Variants in PDE4D observed in about 807,000 individuals in gnomAD.
PDE4D encodes 3',5'-cyclic-AMP phosphodiesterase 4D.
Under a neutral mutation model 87.4 loss-of-function variants are expected in PDE4D, and 24 were observed. The ratio of observed to expected loss-of-function variants is 0.27; its 90% CI spans 0.20 to 0.39. The LOEUF (loss-of-function observed/expected upper bound fraction) is 0.39, where lower values mean the gene tolerates loss of function less well. Among genes scored for constraint, PDE4D ranks in the 10% least tolerant of loss-of-function variants. PDE4D has a pLI of 1.00. For synonymous variants in PDE4D, 384 were observed against 383.2 expected (o/e 1.00, Z -0.02); for missense variants, 714 against 1,041.0 (o/e 0.69, Z 4.32).
At chr5:59,570,573 A>G (rs944759595) in intron 1 of PDE4D, among the ~76,000 whole-genome samples, 1 of 152,144 alleles carries the variant, frequency 6.6e-6, no homozygotes, top group Non-Finnish European at 1.5e-5. Context: ...AGTCAGCTAT[A>G]TCAATTCTAC....
intron 1 of PDE4D, among the ~76,000 whole-genome samples, chr5:59,270,965 T>C (rs572531419): frequency 3.9e-5 from 6 of 152,088 alleles, no homozygotes; most frequent in South Asian, 4.1e-4. Context: ...AAATAATATA[T>C]ATGTAAAATT....
intron 1 of PDE4D, among the ~76,000 whole-genome samples, chr5:60,261,059 G>A (rs916740467): frequency 6.6e-6 from 1 of 151,932 alleles, no homozygotes; most frequent in Non-Finnish European, 1.5e-5. Flanking sequence ...TACCCTATGG[G>A]AAGACATAAA....
intron 5 of PDE4D, among the ~76,000 whole-genome samples, chr5:59,078,647 T>C (rs1318809491): frequency 6.6e-6 from 1 of 152,004 alleles, no homozygotes; most frequent in Non-Finnish European, 1.5e-5. Context: ...TAGCTGGAAC[T>C]ACAGGCACAT....
intron 1 of PDE4D, among the ~76,000 whole-genome samples, chr5:59,301,203 G>T (rs527718683): frequency 6.6e-6 from 1 of 152,024 alleles, no homozygotes; most frequent in Non-Finnish European, 1.5e-5. Flanking sequence ...AATCAGAAAG[G>T]CAGGAACAGG....
intron 1 of PDE4D, among the ~76,000 whole-genome samples, chr5:59,572,391 T>C (rs894775593): frequency 1.3e-5 from 2 of 152,050 alleles, no homozygotes; most frequent in African/African-American, 4.8e-5. Flanking sequence ...TCTTATACTA[T>C]CTATTTTATT....
At chr5:59,738,128 G>A (rs1184175196) in intron 1 of PDE4D, among the ~76,000 whole-genome samples, 3 of 152,100 alleles carry the variant, frequency 2.0e-5, no homozygotes, top group African/African-American at 7.2e-5. Flanking sequence ...TGAATAGATT[G>A]TGGGACAATT....
chr5:59,743,731 A>T lies in PDE4D; in HGVS notation c.455+149437T>A, dbSNP rs1040517192. ...CATTTGTGCAAGTTTCTTCTCTCAA[A>T]AGCAGACTCATATTGTACAAGCCCA... On this transcript the variant is annotated intron_variant, in intron 1 of 14. Transcript: ENST00000340635. Among the ~76,000 whole-genome samples, 2 of 152,166 alleles carry T rather than the reference A, an allele frequency of 1.3e-5. 1 individual carries two copies. Among genetic ancestry groups the T allele is most frequent in the Admixed American group, 1.3e-4 (2 of 15,274 alleles).
intron 5 of PDE4D, among the ~76,000 whole-genome samples, chr5:59,160,764 T>C (rs1027022335): frequency 6.6e-6 from 1 of 152,136 alleles, no homozygotes; most frequent in African/African-American, 2.4e-5. Context: ...GTGGCAGGCG[T>C]AATATGCCTG....
chr5:59,207,751 A>T (rs1749122846), intron 2 of PDE4D, among the ~76,000 whole-genome samples: 1 of 151,954 alleles, frequency 6.6e-6, no homozygotes, highest in South Asian at 2.1e-4. Context: ...ATTAAATCTG[A>T]TGTATAAGCA....
chr5:59,776,020 C>T (rs1764042574), intron 1 of PDE4D, among the ~76,000 whole-genome samples: 1 of 152,062 alleles, frequency 6.6e-6, no homozygotes, highest in South Asian at 2.1e-4. Context: ...GTCTATAATT[C>T]ATAGATTTTA....
At chr5:60,384,215 C>T (rs972477465) in intron 1 of PDE4D, among the ~76,000 whole-genome samples, 2 of 152,078 alleles carry the variant, frequency 1.3e-5, no homozygotes, top group African/African-American at 4.8e-5. Flanking sequence ...TGAAGCTTTC[C>T]AAGTACTGAA....
intron 1 of PDE4D, among the ~76,000 whole-genome samples, chr5:60,499,681 A>G (rs1476720944): frequency 6.6e-6 from 1 of 152,182 alleles, no homozygotes; most frequent in Non-Finnish European, 1.5e-5. Flanking sequence ...ATACCTCAGA[A>G]TCAAGAATAA....
chr5:59,987,576 T>C (rs1438832122), intron 3 of PDE4D: 1 of 152,154 alleles, frequency 6.6e-6, no homozygotes, highest in East Asian at 1.9e-4. Flanking sequence ...CCAAAAGACA[T>C]TTTCCCCAGA....
rs545752243 is a variant in PDE4D at position 60,202,256 on chromosome 5, G to A, written c.-89-16569C>T. On this transcript the variant is annotated intron_variant, in intron 1 of 16. Coordinates refer to the PDE4D transcript ENST00000502484. The stretch of plus-strand genomic sequence containing the variant: ...AGTGGTGCAATCAAACCTGTTGCCT[G>A]GGCTCAAGTGATCCTCCCACCTCAG... 7.3e-4 allele frequency among the ~76,000 whole-genome samples: 111 copies of A among 152,154 alleles called. 1 individual carries two copies. The highest frequency in any genetic ancestry group is 1.4e-3 in the Non-Finnish European group (95 of 67,992).
intron 2 of PDE4D, among the ~76,000 whole-genome samples, chr5:60,138,251 C>G (rs1342563060): frequency 6.6e-6 from 1 of 151,860 alleles, no homozygotes; most frequent in African/African-American, 2.4e-5. Context: ...TTTTGCTTAG[C>G]ATTTCTTTTA....
intron 1 of PDE4D, among the ~76,000 whole-genome samples, chr5:59,500,098 A>C (rs1175166024): frequency 6.6e-6 from 1 of 152,164 alleles, no homozygotes; most frequent in African/African-American, 2.4e-5. Context: ...TAAAAAAATC[A>C]AAAAGTAACA....
chr5:59,625,177 A>C (rs1830754366), intron 1 of PDE4D, among the ~76,000 whole-genome samples: 1 of 152,306 alleles, frequency 6.6e-6, no homozygotes, highest in Admixed American at 6.5e-5. Flanking sequence ...AGCTAGAAGC[A>C]AAAAAGGAAG....
chr5:59,244,799 A>ATATG (rs1554108403), intron 1 of PDE4D, among the ~76,000 whole-genome samples: 16 of 148,118 alleles, frequency 1.1e-4, no homozygotes, highest in African/African-American at 3.7e-4. Context: ...ATATATATAT[A>ATATG]TGTGTGTGTG....
At chr5:59,734,577 G>C (rs939726510) in intron 1 of PDE4D, among the ~76,000 whole-genome samples, 1 of 151,938 alleles carries the variant, frequency 6.6e-6, no homozygotes, top group Non-Finnish European at 1.5e-5. Context: ...AAGTAAAGTG[G>C]GTTTTTTTGG....
Sources: allele counts gnomAD v4.1 joint callset (sites outside exome capture counted in the v4.1 genomes callset), GRCh38; gene constraint gnomAD v4.1.1; transcripts MANE v1.5; gene names NCBI Gene and HGNC (gene_info 2026-07-23, HGNC 2026-07-21).